RNF150: variants seen among roughly 807,000 people sequenced by gnomAD.
RNF150 encodes ring finger protein 150.
A neutral mutation model predicts 39.3 loss-of-function variants in RNF150; 24 were observed. That is an observed-to-expected ratio of 0.61 (90% CI 0.44 to 0.86). The LOEUF (loss-of-function observed/expected upper bound fraction) is 0.86. RNF150 is among the 40% of genes least tolerant of loss of function. RNF150 has a pLI of 0.00. For missense variants in RNF150, 502 were observed against 587.8 expected (o/e 0.85, Z 1.51); for synonymous variants, 255 against 227.3 (o/e 1.12, Z -1.10).
At position 140,974,432 on chromosome 4, in the gene RNF150, C is replaced by T. The variant is rs532892325; in HGVS notation, c.485-6559G>A. Among the ~76,000 whole-genome samples, 32 of 152,180 alleles carry T rather than the reference C, an allele frequency of 2.1e-4. 1 individual carries two copies. Among genetic ancestry groups the T allele is most frequent in the African/African-American group, 7.7e-4 (32 of 41,522 alleles). On this transcript the variant is annotated intron_variant, in intron 1 of 6. Coordinates refer to ENST00000515673, the MANE Select transcript of RNF150 (RefSeq NM_020724.2). ...CAATTGATGGACATACGGATTATTGCCAGTTTTTGGATATTACAAATAAAG... is the reference window on the plus strand; with the variant it reads ...CAATTGATGGACATACGGATTATTGTCAGTTTTTGGATATTACAAATAAAG...
chr4:140,923,597 T>C (rs1731253544), intron 5 of RNF150, among the ~76,000 whole-genome samples: 1 of 152,152 alleles, frequency 6.6e-6, no homozygotes, highest in Admixed American at 6.5e-5. Context: ...GAAATACCAT[T>C]TGACCCAGCC....
At chr4:141,171,421 C>T (rs1727718779) in intron 1 of RNF150, among the ~76,000 whole-genome samples, 1 of 151,410 alleles carries the variant, frequency 6.6e-6, no homozygotes, top group Non-Finnish European at 1.5e-5. Flanking sequence ...TGTGTGTGCA[C>T]ACACCCATGT....
At chr4:140,927,858 G>A (rs1185377357) in intron 4 of RNF150, among the ~76,000 whole-genome samples, 4 of 151,520 alleles carry the variant, frequency 2.6e-5, no homozygotes, top group African/African-American at 9.7e-5. Flanking sequence ...CATGTTGGCC[G>A]GGCTGGTCCT....
At chr4:141,028,427 C>T (rs925730392) in intron 1 of RNF150, among the ~76,000 whole-genome samples, 2 of 152,064 alleles carry the variant, frequency 1.3e-5, no homozygotes, top group Admixed American at 6.6e-5. Context: ...AACAGCTTGA[C>T]AGTTTAAAAA....
chr4:141,101,172 A>T (rs949316416), intron 1 of RNF150, among the ~76,000 whole-genome samples: 6 of 152,084 alleles, frequency 3.9e-5, no homozygotes, highest in African/African-American at 2.4e-5. Flanking sequence ...CTTACTGTAA[A>T]TTTTTTACTT....
At chr4:141,095,660 T>C (rs1049809353) in intron 1 of RNF150, among the ~76,000 whole-genome samples, 5 of 152,226 alleles carry the variant, frequency 3.3e-5, no homozygotes, top group African/African-American at 7.2e-5. Flanking sequence ...TACCCACACA[T>C]TTTTGTGTAG....
intron 1 of RNF150, among the ~76,000 whole-genome samples, chr4:141,185,458 A>G (rs1168079141): frequency 6.6e-6 from 1 of 151,932 alleles, no homozygotes; most frequent in Non-Finnish European, 1.5e-5. Flanking sequence ...CTAAATATAC[A>G]ATCACGTCAT....
chr4:140,989,954 A>G (rs1734139552), intron 1 of RNF150, among the ~76,000 whole-genome samples: 1 of 152,220 alleles, frequency 6.6e-6, no homozygotes, highest in Admixed American at 6.5e-5. Flanking sequence ...GCATGGACTT[A>G]CCTGCATAAA....
rs756126935 is a variant in RNF150 at position 140,862,884 on chromosome 4, T to C, written c.*5377A>G. On this transcript the variant is annotated 3_prime_UTR_variant, in exon 7 of 7. Transcript: ENST00000515673. ...GCTTTCCAGCCCTGCTTTGACCAGC[T>C]CCCTGATCAGAGATCCTGCCATCCT... 2 of 152,198 alleles carry C rather than the reference T, an allele frequency of 1.3e-5. No homozygotes were observed. The highest frequency in any genetic ancestry group is 1.9e-4 in the East Asian group (1 of 5,176). The allele number at this position is 152,198 out of a possible 1,614,324, so 9.4% of individuals were successfully genotyped here.
At chr4:141,153,520 G>T (rs1232109710) in intron 1 of RNF150, among the ~76,000 whole-genome samples, 1 of 152,138 alleles carries the variant, frequency 6.6e-6, no homozygotes, top group Non-Finnish European at 1.5e-5. Flanking sequence ...TCTTAGAATT[G>T]TGAGAAAATA....
chr4:141,052,104 T>A (rs1736798780), intron 1 of RNF150, among the ~76,000 whole-genome samples: 1 of 152,070 alleles, frequency 6.6e-6, no homozygotes, highest in South Asian at 2.1e-4. Flanking sequence ...TTCACTATCA[T>A]GAGAACAGTG....
At chr4:140,962,083 T>TCTA (rs1256742513) in intron 2 of RNF150, among the ~76,000 whole-genome samples, 5 of 142,078 alleles carry the variant, frequency 3.5e-5, no homozygotes, top group Admixed American at 7.2e-5. Context: ...CTCTCTCTAC[T>TCTA]CTCTCTCTCT....
At chr4:141,177,204 C>G (rs1363100333) in intron 1 of RNF150, among the ~76,000 whole-genome samples, 1 of 152,090 alleles carries the variant, frequency 6.6e-6, no homozygotes, top group East Asian at 1.9e-4. Flanking sequence ...TGTACTCCAG[C>G]CCTGGCAACA....
chr4:140,961,049 G>T (rs1467043567), intron 2 of RNF150, among the ~76,000 whole-genome samples: 1 of 151,984 alleles, frequency 6.6e-6, no homozygotes, highest in Admixed American at 6.6e-5. Flanking sequence ...TTTGAATCGA[G>T]ACCCATCTGA....
intron 6 of RNF150, among the ~76,000 whole-genome samples, chr4:140,893,535 C>G (rs1050639468): frequency 1.3e-5 from 2 of 152,158 alleles, no homozygotes; most frequent in African/African-American, 4.8e-5. Flanking sequence ...TATTATGGGA[C>G]AGGAATCTCA....
At chr4:140,927,706 T>A (rs1731452684) in intron 4 of RNF150, among the ~76,000 whole-genome samples, 1 of 148,762 alleles carries the variant, frequency 6.7e-6, no homozygotes, top group Non-Finnish European at 1.5e-5. Context: ...TGGAGTGCAG[T>A]AGTGCAATCT....
chr4:140,995,836 C>T (rs1277538600), intron 1 of RNF150, among the ~76,000 whole-genome samples: 1 of 152,114 alleles, frequency 6.6e-6, no homozygotes, highest in African/African-American at 2.4e-5. Context: ...AATAGTACTC[C>T]ATTGTGTATA....
intron 1 of RNF150, among the ~76,000 whole-genome samples, chr4:141,100,314 G>C (rs1381389888): frequency 6.6e-6 from 1 of 152,150 alleles, no homozygotes; most frequent in African/African-American, 2.4e-5. Flanking sequence ...ATATAATTCT[G>C]TCTCAGAAGA....
rs760396890 is a variant in RNF150, at chr4:141,132,816, C to T, written c.-8G>A. On this transcript the variant is annotated 5_prime_UTR_variant, in exon 1 of 7. Coordinates refer to ENST00000515673, the MANE Select transcript of RNF150 (RefSeq NM_020724.2). The surrounding 1 kb of genome is among the most constrained non-coding windows in gnomAD (Gnocchi z 4.9). ...GATGAGAGACATTGCCATCTTTATC[C>T]GCCGGGGCCCCCTCCCCGCCCCCGC... 9 of 1,607,640 alleles carry T rather than the reference C, an allele frequency of 5.6e-6. No individual in the cohort carries two copies. In the African/African-American group the frequency reaches 6.7e-5, roughly 12 times the overall value.
Sources: gnomAD v4.1 joint callset for allele counts (sites outside exome capture counted in the v4.1 genomes callset) on GRCh38, gnomAD v4.1.1 for gene constraint, Gnocchi (gnomAD v3.1) non-coding constraint, MANE v1.5 for transcripts, NCBI Gene and HGNC (gene_info 2026-07-23, HGNC 2026-07-21) for gene names.